The following SOX5 variants were observed in gnomAD, a reference collection of about 807,000 sequenced individuals.
The protein encoded by SOX5 is SRY-box transcription factor 5.
A neutral mutation model predicts 92.0 loss-of-function variants in SOX5; 9 were observed. That is an observed-to-expected ratio of 0.10 (90% CI 0.06 to 0.17). The LOEUF (loss-of-function observed/expected upper bound fraction) is 0.17, where lower values mean the gene tolerates loss of function less well. Ranked by LOEUF, SOX5 falls within the 10% of genes least tolerant of loss-of-function variation. The probability of loss-of-function intolerance (pLI) is 1.00; values close to 1 mark genes in which losing one functional copy is unlikely to be tolerated. For missense variants in SOX5, 642 were observed against 944.5 expected, an observed-to-expected ratio of 0.68 and a Z score of 4.20; for synonymous variants, 344 against 336.3, an observed-to-expected ratio of 1.02 and a Z score of -0.25.
intron 11 of SOX5, among the ~76,000 whole-genome samples, chr12:23,561,190 G>A (rs2136315545): frequency 6.6e-6 from 1 of 152,240 alleles, no homozygotes; most frequent in South Asian, 2.1e-4. Context: ...TGTTATAACT[G>A]TACAAAAGAG....
At chr12:23,578,933 GAAACA>G (rs1460452249) in intron 9 of SOX5, among the ~76,000 whole-genome samples, 2 of 141,184 alleles carry the variant, frequency 1.4e-5, no homozygotes, top group African/African-American at 5.0e-5. Flanking sequence ...AGAAGAAAAA[GAAACA>G]AAACAAAGCA....
intron 3 of SOX5, among the ~76,000 whole-genome samples, chr12:23,770,961 G>A (rs2094913332): frequency 6.6e-6 from 1 of 152,048 alleles, no homozygotes. Context: ...TGTCACAGTG[G>A]AGATATTCAA....
At chr12:24,319,642 C>CA (rs1950025834) in intron 2 of SOX5, among the ~76,000 whole-genome samples, 1 of 152,146 alleles carries the variant, frequency 6.6e-6, no homozygotes, top group African/African-American at 2.4e-5. Context: ...GAAATCCATC[C>CA]CACACATGGT....
intron 4 of SOX5, among the ~76,000 whole-genome samples, chr12:24,192,712 C>A (rs1956641113): frequency 6.6e-6 from 1 of 152,184 alleles, no homozygotes; most frequent in Admixed American, 6.5e-5. Context: ...CATTCTTGGG[C>A]TCAGATAGAA....
intron 7 of SOX5, among the ~76,000 whole-genome samples, chr12:23,650,422 C>G (rs917048619): frequency 6.6e-6 from 1 of 152,132 alleles, no homozygotes; most frequent in African/African-American, 2.4e-5. Context: ...AAAACCTTCT[C>G]AGATTGGTAC....
chr12:23,909,514 A>C (rs1001948943), intron 1 of SOX5, among the ~76,000 whole-genome samples: 4 of 152,200 alleles, frequency 2.6e-5, no homozygotes, highest in Non-Finnish European at 5.9e-5. Context: ...TCTGGAAAAG[A>C]AAAACTTAAT....
rs1335917447 is a variant in SOX5, at chr12:23,759,863, C to T, written c.482-4139G>A. The stretch of plus-strand genomic sequence containing the variant: ...TTTTAAAAATGCACAAGCATAGAAT[C>T]GTATTTTGTACTATGAATATGGTAT... On this transcript the variant is annotated intron_variant, in intron 3 of 14. Coordinates refer to ENST00000451604, the MANE Select transcript of SOX5 (RefSeq NM_006940.6). Among the ~76,000 whole-genome samples, 8 of 152,074 alleles carry T rather than the reference C, an allele frequency of 5.3e-5. No homozygotes were observed. In the South Asian group the frequency reaches 1.4e-3, roughly 28 times the overall value.
At chr12:23,904,588 A>G (rs1230400970) in intron 1 of SOX5, among the ~76,000 whole-genome samples, 1 of 152,234 alleles carries the variant, frequency 6.6e-6, no homozygotes, top group Non-Finnish European at 1.5e-5. Context: ...ATAAATTAAT[A>G]TTCTGTATTT....
chr12:24,198,311 G>T lies in SOX5; in HGVS notation c.-2+15032C>A, dbSNP rs552538433. On this transcript the variant is annotated intron_variant, in intron 4 of 4. Transcript: ENST00000446891. ...AATTTATAGCATTCTTTTCCACTTG[G>T]ATAATGATTTGCTATTTTTCAAACA... Among the ~76,000 whole-genome samples, 245 of 152,262 alleles carry T rather than the reference G, an allele frequency of 1.6e-3. 2 individuals carry two copies. Among genetic ancestry groups the T allele is most frequent in the African/African-American group, 5.7e-3 (237 of 41,552 alleles).
At chr12:24,080,078 G>T (rs898794993) in intron 4 of SOX5, among the ~76,000 whole-genome samples, 1 of 151,788 alleles carries the variant, frequency 6.6e-6, no homozygotes, top group African/African-American at 2.4e-5. Context: ...TTAACTTCAG[G>T]AATAAGTTCA....
intron 2 of SOX5, among the ~76,000 whole-genome samples, chr12:24,302,842 T>G (rs983514633): frequency 1.3e-5 from 2 of 152,060 alleles, no homozygotes; most frequent in African/African-American, 4.8e-5. Flanking sequence ...CAAAAGCCAT[T>G]ATACAGGGAC....
chr12:24,519,017 G>A (rs141488858), intron 1 of SOX5, among the ~76,000 whole-genome samples: 7 of 152,090 alleles, frequency 4.6e-5, no homozygotes, highest in African/African-American at 1.2e-4. Context: ...ATATAAAAAC[G>A]TTTATTCTTT....
chr12:24,164,691 A>C (rs928163374), intron 4 of SOX5, among the ~76,000 whole-genome samples: 2 of 152,086 alleles, frequency 1.3e-5, no homozygotes, highest in Non-Finnish European at 2.9e-5. Flanking sequence ...TAGATTGGCA[A>C]ATATTTAAGG....
At chr12:23,876,953 A>G (rs1321296143) in intron 2 of SOX5, among the ~76,000 whole-genome samples, 1 of 152,010 alleles carries the variant, frequency 6.6e-6, no homozygotes, top group East Asian at 1.9e-4. Context: ...ATGAGAACAC[A>G]TGGACACAGG....
chr12:23,654,081 A>G (rs948937393), intron 7 of SOX5, among the ~76,000 whole-genome samples: 6 of 152,132 alleles, frequency 3.9e-5, no homozygotes, highest in Non-Finnish European at 5.9e-5. Context: ...TATACAAATA[A>G]GTATTAGTTT....
Position 24,315,151 on chromosome 12 carries a change from C to A in SOX5, c.-173-37839G>T, listed in dbSNP as rs1190994475. ...TAGTATTTCTCTTCCCTCTTCACCT[C>A]TGCAAAAACTTTTTCAATCTTTCTT... is the stretch of plus-strand genomic sequence containing the variant. On this transcript the variant is annotated intron_variant, in intron 2 of 4. Transcript: ENST00000446891. 5.9e-5 allele frequency among the ~76,000 whole-genome samples: 9 copies of A among 152,180 alleles called. No individual in the cohort carries two copies. In the South Asian group the frequency reaches 1.9e-3, roughly 32 times the overall value.
chr12:24,258,188 C>A lies in SOX5; in HGVS notation c.-77+19028G>T, dbSNP rs187291757. Among the ~76,000 whole-genome samples the A allele has an allele frequency of 2.8e-3, 432 of 152,184 alleles. 2 individuals are homozygous for A. Among genetic ancestry groups the A allele is most frequent in the African/African-American group, 1.0e-2 (415 of 41,538 alleles). On this transcript the variant is annotated intron_variant, in intron 3 of 4. Coordinates refer to the SOX5 transcript ENST00000446891. Reference sequence around the variant, plus strand: ...CTCCGTCAAAAAACACACACACACACAAAAACACTTATTCTGAGAACTAAG... The same window carrying A: ...CTCCGTCAAAAAACACACACACACAAAAAAACACTTATTCTGAGAACTAAG...
chr12:23,940,185 T>C (rs1595793602), intron 1 of SOX5, among the ~76,000 whole-genome samples: 1 of 151,326 alleles, frequency 6.6e-6, no homozygotes, highest in African/African-American at 2.4e-5. Flanking sequence ...TTATAATTGT[T>C]CAGAATAGTG....
chr12:24,485,703 C>A (rs1362256241), intron 1 of SOX5, among the ~76,000 whole-genome samples: 1 of 152,128 alleles, frequency 6.6e-6, no homozygotes, highest in Non-Finnish European at 1.5e-5. Flanking sequence ...ATGTACTTTT[C>A]CACAGTAAGG....
Sources: allele counts gnomAD v4.1 joint callset (sites outside exome capture counted in the v4.1 genomes callset), GRCh38; gene constraint gnomAD v4.1.1; transcripts MANE v1.5; gene names NCBI Gene and HGNC (gene_info 2026-07-23, HGNC 2026-07-21).